The following ANKRD54 variants were observed in gnomAD, a reference collection of about 807,000 sequenced individuals.
ANKRD54 encodes ankyrin repeat domain-containing protein 54.
In ANKRD54, 26 loss-of-function variants were observed where a neutral mutation model predicts 36.2. The ratio of observed to expected loss-of-function variants is 0.72; its 90% CI spans 0.53 to 1.00. ANKRD54 has a LOEUF of 1.00. Ranked by LOEUF, ANKRD54 falls within the 50% of genes least tolerant of loss-of-function variation. The pLI, the probability that ANKRD54 is intolerant of heterozygous loss-of-function variation, is 0.00. For missense variants in ANKRD54, 384 were observed against 424.3 expected, an observed-to-expected ratio of 0.91 and a Z score of 0.83; for synonymous variants, 209 against 188.4, an observed-to-expected ratio of 1.11 and a Z score of -0.89.
chr22:37,836,925 AG>A (rs531163015), intron 3 of ANKRD54, among the ~76,000 whole-genome samples: 104 of 150,998 alleles, frequency 6.9e-4, no homozygotes, highest in African/African-American at 2.4e-3. Flanking sequence ...GCTACCCGGG[AG>A]GCTGAAGCAG....
upstream of ANKRD54, among the ~76,000 whole-genome samples, chr22:37,847,075 G>C (rs574343871): frequency 6.6e-6 from 1 of 150,982 alleles, no homozygotes; most frequent in Non-Finnish European, 1.5e-5. Context: ...GGATGGTCTC[G>C]ATCTCCTGAC....
In ANKRD54 at chr22:37,844,098, G is replaced by C; in HGVS notation, c.141C>G (p.Gly47=). 6.8e-7 allele frequency: 1 copy of C among 1,470,140 alleles called. No individual in the cohort carries two copies. Among genetic ancestry groups the C allele is most frequent in the Non-Finnish European group, 8.9e-7 (1 of 1,118,292 alleles). 91.1% of individuals were successfully genotyped at this position (1,470,140 alleles called of 1,614,324 possible). ...GGCCCGAGAGGCCCGCGCCGCCGCCGCCCAGCGCAGACCCGAAGTCAGCGA... is the reference window on the plus strand; with the variant it reads ...GGCCCGAGAGGCCCGCGCCGCCGCCCCCCAGCGCAGACCCGAAGTCAGCGA... ...FSFADFGSAL[G]GGGAGLSGRA... Residue 47 remains glycine (G), a synonymous_variant, in exon 1 of 8, where the codon GGC becomes GGG. Transcript: ENST00000215941.
chr22:37,840,066 C>G (rs1924029877), intron 2 of ANKRD54, 121 bp downstream of exon 2: 1 of 1,155,978 alleles, frequency 8.7e-7, no homozygotes, highest in South Asian at 1.3e-5. Flanking sequence ...ACAATAAATA[C>G]AGTGAGCCTG....
At chr22:37,839,612 C>T (rs1923975698) in intron 2 of ANKRD54, among the ~76,000 whole-genome samples, 1 of 152,168 alleles carries the variant, frequency 6.6e-6, no homozygotes, top group East Asian at 1.9e-4. Context: ...TGGTCTCGAT[C>T]TCCTAACCTC....
rs1290288999 is a variant in ANKRD54 at position 37,844,219 on chromosome 22, TC to T, written c.19del (p.Asp7ThrfsTer24). 3 of 1,531,768 alleles carry T rather than the reference TC, an allele frequency of 2.0e-6. No homozygotes were observed. The highest frequency in any genetic ancestry group is 1.7e-6 in the Non-Finnish European group (2 of 1,149,488). The allele number at this position is 1,531,768 out of a possible 1,614,324, so 94.9% of individuals were successfully genotyped here. A position where few individuals can be genotyped will look rare whatever the true frequency, so the allele number is the denominator to read the frequency against. MAAAAG[D>X]ADDEPRSGHS... is the part of the protein sequence containing the mutation. ...GCCTGAGCGCGGCTCGTCGTCCGCG[TC>T]CCCGGCGGCGGCTGCCATGGCAACG... On this transcript the variant is annotated frameshift_variant, in exon 1 of 8. Transcript: ENST00000215941. LOFTEE classifies it high-confidence loss of function.
intron 3 of ANKRD54, among the ~76,000 whole-genome samples, chr22:37,836,438 ACT>A (rs1239253043): frequency 3.9e-5 from 5 of 127,730 alleles, no homozygotes; most frequent in Non-Finnish European, 6.5e-5. Flanking sequence ...AAAGAGTGAA[ACT>A]CTGTCTCAAA....
At chr22:37,847,382 G>A (rs1924898069), upstream of ANKRD54, among the ~76,000 whole-genome samples, 2 of 151,568 alleles carry the variant, frequency 1.3e-5, no homozygotes, top group East Asian at 1.9e-4. Flanking sequence ...GGCTGGTCTC[G>A]AACTCCTGAC....
At chr22:37,848,660 T>C (rs1254104839), upstream of ANKRD54, 1 of 152,028 alleles carries the variant, frequency 6.6e-6, no homozygotes, top group African/African-American at 2.4e-5. Context: ...CCTCCCAAAG[T>C]GTAGGGATTA....
In ANKRD54 at chr22:37,843,995, G is replaced by T. The variant is rs1426218883; in HGVS notation, c.244C>A (p.Leu82Met). 1 of 1,424,920 alleles carries T rather than the reference G, an allele frequency of 7.0e-7. No individual in the cohort carries two copies. The highest frequency in any genetic ancestry group is 9.1e-7 in the Non-Finnish European group (1 of 1,094,034). 88.3% of individuals were successfully genotyped at this position (1,424,920 alleles called of 1,614,324 possible). A position where few individuals can be genotyped will look rare whatever the true frequency, so the allele number is the denominator to read the frequency against. ...CGGCCAGCGGGTATCTTGCAGCGCA[G>T]CTCGTCGCGCGGCTCCGCATCCTGC... ...WQQDAEPRDE[L>M]RCKIPAGRLR... Residue 82 changes from leucine (L) to methionine (M), a missense_variant, in exon 1 of 8, where the codon CTG becomes ATG. Around this residue, in one of 3 missense-constraint regions of ANKRD54, gnomAD observed 195 missense variants for 177.7 expected, o/e 1.10. Coordinates refer to ENST00000215941, the MANE Select transcript of ANKRD54 (RefSeq NM_138797.4).
chr22:37,837,916 G>A (rs1237611010), intron 3 of ANKRD54, among the ~76,000 whole-genome samples: 2 of 152,110 alleles, frequency 1.3e-5, no homozygotes, highest in East Asian at 1.9e-4. Context: ...GGTGGATCAC[G>A]AGGTCAGGAG....
chr22:37,834,727 AAGAG>A (rs1569095299), intron 3 of ANKRD54: 2 of 149,764 alleles, frequency 1.3e-5, no homozygotes, highest in Non-Finnish European at 3.0e-5. Context: ...AAAAAAAAAA[AAGAG>A]AAAGGAAAGA....
Position 37,844,084 on chromosome 22 carries a change from C to T in ANKRD54, c.155G>A (p.Gly52Asp). 2.1e-6 allele frequency: 3 copies of T among 1,448,502 alleles called. No homozygotes were observed. The highest frequency in any genetic ancestry group is 1.5e-5 in the African/African-American group (1 of 67,152). The allele number at this position is 1,448,502 out of a possible 1,614,324, so 89.7% of individuals were successfully genotyped here. The part of the protein sequence containing the change: ...FGSALGGGGA[G>D]LSGRASGGAQ... ...CCCGCCGGACGCCCGGCCCGAGAGG[C>T]CCGCGCCGCCGCCGCCCAGCGCAGA... is the stretch of plus-strand genomic sequence containing the variant. Residue 52 changes from glycine (G) to aspartate (D), a missense_variant, in exon 1 of 8, where the codon GGC (glycine) becomes GAC (aspartate). This residue lies in a region of ANKRD54 where 195 missense variants were observed against 177.7 expected (regional missense o/e 1.10). Coordinates refer to ENST00000215941, the MANE Select transcript of ANKRD54 (RefSeq NM_138797.4).
At chr22:37,843,427 A>G (rs1924530981) in intron 1 of ANKRD54, among the ~76,000 whole-genome samples, 1 of 152,096 alleles carries the variant, frequency 6.6e-6, no homozygotes, top group Non-Finnish European at 1.5e-5. Context: ...CGTCTCCAAA[A>G]AGATAATAAT....
chr22:37,834,368 A>G (rs1468673510), intron 3 of ANKRD54: 1 of 152,232 alleles, frequency 6.6e-6, no homozygotes, highest in Non-Finnish European at 1.5e-5. Flanking sequence ...GCAGGCAAAG[A>G]TTTCTTAAAT....
At position 37,831,851 on chromosome 22, in the gene ANKRD54, G is replaced by T; in HGVS notation, c.*92C>A. 7.3e-7 allele frequency: 1 copy of T among 1,371,606 alleles called. No individual in the cohort carries two copies. The highest frequency in any genetic ancestry group is 1.0e-6 in the Non-Finnish European group (1 of 989,646). 85.0% of individuals were successfully genotyped at this position (1,371,606 alleles called of 1,614,324 possible). On this transcript the variant is annotated 3_prime_UTR_variant, in exon 8 of 8. Transcript: ENST00000215941. Reference sequence around the variant, plus strand: ...GCAAGGTCCTCACCAGACAAGTGCAGCTCCAAGTCCCAGATGTTGGGCTTT... The same window carrying T: ...GCAAGGTCCTCACCAGACAAGTGCATCTCCAAGTCCCAGATGTTGGGCTTT...
upstream of ANKRD54, among the ~76,000 whole-genome samples, chr22:37,846,954 C>T (rs757409818): frequency 3.4e-5 from 5 of 148,368 alleles, no homozygotes; most frequent in Non-Finnish European, 3.0e-5. Context: ...CCCGGGTTCA[C>T]GCCATTCTCC....
intron 1 of ANKRD54, 49 bp from the exon 2 acceptor site, chr22:37,840,283 G>C (rs762553312): frequency 6.2e-7 from 1 of 1,600,976 alleles, no homozygotes; most frequent in Non-Finnish European, 8.5e-7. Context: ...CCATGGCTGG[G>C]TGCGGTGGCT....
chr22:37,844,082 G>C lies in ANKRD54; in HGVS notation c.157C>G (p.Leu53Val), dbSNP rs1375773696. 1 of 1,448,112 alleles carries C rather than the reference G, an allele frequency of 6.9e-7. No homozygotes were observed. Among genetic ancestry groups the C allele is most frequent in the East Asian group, 3.0e-5 (1 of 33,298 alleles). The allele number at this position is 1,448,112 out of a possible 1,614,324, so 89.7% of individuals were successfully genotyped here. A position where few individuals can be genotyped will look rare whatever the true frequency, so the allele number is the denominator to read the frequency against. The change falls in exon 1 of 8, where the codon CTC becomes GTC. Residue 53 changes from leucine (L) to valine (V), a missense_variant. Transcript: ENST00000215941. ...GSALGGGGAG[L>V]SGRASGGAQS... ...GCCCCGCCGGACGCCCGGCCCGAGA[G>C]GCCCGCGCCGCCGCCGCCCAGCGCA... is the stretch of plus-strand genomic sequence containing the variant.
chr22:37,845,599 G>A (rs912898158), upstream of ANKRD54, among the ~76,000 whole-genome samples: 1 of 152,138 alleles, frequency 6.6e-6, no homozygotes, highest in African/African-American at 2.4e-5. Context: ...CTTTCCGCAC[G>A]GTGGGTCACG....
Sources: gnomAD v4.1 joint callset for allele counts (sites outside exome capture counted in the v4.1 genomes callset) on GRCh38, gnomAD v4.1.1 for gene constraint, gnomAD v4.1.1 regional missense constraint, MANE v1.5 for transcripts, NCBI Gene and HGNC (gene_info 2026-07-23, HGNC 2026-07-21) for gene names.